Variants in NTN4 observed in about 807,000 individuals in gnomAD.
NTN4 encodes the protein netrin 4, also known as netrin-4.
In NTN4, 32 loss-of-function variants were observed where a neutral mutation model predicts 73.6. The ratio of observed to expected loss-of-function variants is 0.44; its 90% CI spans 0.33 to 0.58. The LOEUF (loss-of-function observed/expected upper bound fraction) is 0.58, where lower values mean the gene tolerates loss of function less well. Among genes scored for constraint, NTN4 ranks in the 20% least tolerant of loss-of-function variants. The probability of loss-of-function intolerance (pLI) is 0.04; values close to 1 mark genes in which losing one functional copy is unlikely to be tolerated. For missense variants in NTN4, 654 were observed against 798.3 expected, an observed-to-expected ratio of 0.82 and a Z score of 2.18; for synonymous variants, 258 against 287.5, an observed-to-expected ratio of 0.90 and a Z score of 1.04.
intron 3 of NTN4, among the ~76,000 whole-genome samples, chr12:95,726,245 A>T (rs2078693175): frequency 6.6e-6 from 1 of 152,158 alleles, no homozygotes; most frequent in Non-Finnish European, 1.5e-5. Context: ...TCCAAAAAGA[A>T]ATCTCATGCT....
At chr12:95,698,116 T>A (rs2078455814) in intron 5 of NTN4, among the ~76,000 whole-genome samples, 1 of 152,202 alleles carries the variant, frequency 6.6e-6, no homozygotes, top group South Asian at 2.1e-4. Flanking sequence ...GACTTGAGCA[T>A]CCATGAATTT....
intron 2 of NTN4, among the ~76,000 whole-genome samples, chr12:95,740,223 C>G (rs11108227): frequency 0.044 from 6,703 of 152,282 alleles, 296 homozygotes; most frequent in African/African-American, 0.12. Flanking sequence ...AACAAAGAGT[C>G]CGCCAGTACA....
chr12:95,783,690 T>C (rs4762622), intron 2 of NTN4, among the ~76,000 whole-genome samples: 95,861 of 152,126 alleles, frequency 0.63, 30,660 homozygotes, highest in South Asian at 0.78. Flanking sequence ...TAATGGTATG[T>C]TGTTGGGCAA....
Position 95,659,145 on chromosome 12 carries a change from G to T in NTN4, c.1828C>A (p.His610Asn). 1 of 1,613,476 alleles carries T rather than the reference G, an allele frequency of 6.2e-7. No homozygotes were observed. The highest frequency in any genetic ancestry group is 8.5e-7 in the Non-Finnish European group (1 of 1,179,594). Reference sequence around the variant, plus strand: ...TTTCTTCCAAGAGAAGGTTTCCAGTGCTGGACAAAGCTTTTCATATTCACA... The same window carrying T: ...TTTCTTCCAAGAGAAGGTTTCCAGTTCTGGACAAAGCTTTTCATATTCACA... ...LIVNMKSFVQ[H>N]WKPSLGRKVM... The change falls in exon 10 of 10, where the codon CAC (histidine) becomes AAC (asparagine). Residue 610 changes from histidine to asparagine, a missense_variant. By Grantham distance (68) the His-to-Asn change is moderately conservative. Coordinates refer to ENST00000343702, the MANE Select transcript of NTN4 (RefSeq NM_021229.4).
intron 3 of NTN4, among the ~76,000 whole-genome samples, chr12:95,733,963 G>T (rs1413199787): frequency 6.6e-6 from 1 of 151,604 alleles, no homozygotes; most frequent in Admixed American, 6.6e-5. Context: ...CTAGCTCCTT[G>T]GGAGGCTGAG....
chr12:95,702,253 C>A (rs1373210718), intron 5 of NTN4, among the ~76,000 whole-genome samples: 1 of 146,378 alleles, frequency 6.8e-6, no homozygotes, highest in South Asian at 2.1e-4. Flanking sequence ...GCACTCCAGC[C>A]TGGGCAACAG....
intron 3 of NTN4, among the ~76,000 whole-genome samples, chr12:95,716,862 TGTA>T (rs2078609476): frequency 6.6e-6 from 1 of 152,152 alleles, no homozygotes; most frequent in African/African-American, 2.4e-5. Flanking sequence ...CAGGCTGAAG[TGTA>T]ATGGTGTGAT....
At chr12:95,687,469 C>T (rs1013648562) in intron 5 of NTN4, among the ~76,000 whole-genome samples, 4 of 149,016 alleles carry the variant, frequency 2.7e-5, no homozygotes, top group African/African-American at 4.9e-5. Context: ...GGTGTGATCT[C>T]GGCTCACTGC....
In NTN4 at chr12:95,780,910, C is replaced by T. The variant is rs948004642; in HGVS notation, c.585+6029G>A. On this transcript the variant is annotated intron_variant, in intron 2 of 9. Coordinates refer to ENST00000343702, the MANE Select transcript of NTN4 (RefSeq NM_021229.4). The stretch of plus-strand genomic sequence containing the variant: ...ACTTGGAACCAACCCAAATGTCCAT[C>T]AATGATAGACTGGATTAAGAAAATG... Among the ~76,000 whole-genome samples the T allele has an allele frequency of 2.6e-5, 4 of 152,146 alleles. No homozygotes were observed. In the South Asian group the frequency reaches 8.3e-4, roughly 32 times the overall value.
rs1468359141 is a variant in NTN4 at position 95,737,903 on chromosome 12, C to T, written c.827G>A (p.Gly276Asp). Residue 276 changes from glycine (G) to aspartate (D), a missense_variant, in exon 3 of 10, where the codon GGC becomes GAC. Physicochemically the swap from Gly to Asp is moderately conservative, Grantham distance 94 (BLOSUM62 -1). Transcript: ENST00000343702. The part of the protein sequence containing the change: ...GHADQCIPVH[G>D]FRPVKAPGTF... The stretch of plus-strand genomic sequence containing the variant: ...TCCTGGGGCCTTGACAGGTCTGAAG[C>T]CATGAACAGGTATGCATTGATCAGC... The T allele has an allele frequency of 1.9e-6, 3 of 1,614,002 alleles. No individual in the cohort carries two copies. Among genetic ancestry groups the T allele is most frequent in the Non-Finnish European group, 2.5e-6 (3 of 1,179,936 alleles).
At chr12:95,726,386 G>A (rs1276638075) in intron 3 of NTN4, among the ~76,000 whole-genome samples, 1 of 152,108 alleles carries the variant, frequency 6.6e-6, no homozygotes, top group Non-Finnish European at 1.5e-5. Flanking sequence ...GGCCTTTTGT[G>A]TCTAGGTTTC....
chr12:95,769,028 G>A (rs1418832488), intron 2 of NTN4, among the ~76,000 whole-genome samples: 1 of 152,308 alleles, frequency 6.6e-6, no homozygotes, highest in South Asian at 2.1e-4. Context: ...TCAGCAGGGG[G>A]TTTGCAGAGA....
chr12:95,790,359 C>G lies in NTN4; in HGVS notation c.-50G>C, dbSNP rs1464409152. Reference sequence around the variant, plus strand: ...GGGCCGGGCGGGTGCCGGAGGGAGCCGAGACCTCTGGGCTGCGGGATGAAG... The same window carrying G: ...GGGCCGGGCGGGTGCCGGAGGGAGCGGAGACCTCTGGGCTGCGGGATGAAG... On this transcript the variant is annotated 5_prime_UTR_variant, in exon 1 of 10. Transcript: ENST00000343702. The surrounding 1 kb of genome is among the most constrained non-coding windows in gnomAD (Gnocchi z 6.5). The G allele has an allele frequency of 4.7e-6, 7 of 1,474,536 alleles. No individual in the cohort carries two copies. The South Asian group carries it at 9.0e-5, about 19-fold the overall frequency. 91.3% of individuals were successfully genotyped at this position (1,474,536 alleles called of 1,614,324 possible).
intron 2 of NTN4, among the ~76,000 whole-genome samples, chr12:95,771,084 G>A (rs2079055652): frequency 1.3e-5 from 2 of 149,598 alleles, no homozygotes; most frequent in Non-Finnish European, 3.0e-5. Context: ...CCGCCTCCCG[G>A]GTTCACGCCA....
upstream of NTN4, among the ~76,000 whole-genome samples, chr12:95,790,944 C>G (rs1354999838): frequency 6.8e-6 from 1 of 147,798 alleles, no homozygotes; most frequent in African/African-American, 2.4e-5. This position sits in a 1 kb window ranked among gnomAD's most constrained non-coding sequence, Gnocchi z 6.5. Context: ...GGGGGTCCCC[C>G]GCGCCCCGAC....
intron 2 of NTN4, among the ~76,000 whole-genome samples, chr12:95,782,253 T>G (rs1565919061): frequency 6.6e-6 from 1 of 152,038 alleles, no homozygotes; most frequent in Non-Finnish European, 1.5e-5. Flanking sequence ...TACAGGTAAA[T>G]AAAACTGACA....
At chr12:95,668,581 G>A (rs1382240073) in intron 8 of NTN4, among the ~76,000 whole-genome samples, 3 of 152,186 alleles carry the variant, frequency 2.0e-5, no homozygotes, top group East Asian at 1.9e-4. Flanking sequence ...TTAAAATCTT[G>A]TATGAGATTA....
At chr12:95,671,629 C>G (rs1253730087) in intron 7 of NTN4, among the ~76,000 whole-genome samples, 2 of 152,120 alleles carry the variant, frequency 1.3e-5, no homozygotes, top group African/African-American at 4.8e-5. Flanking sequence ...ATCCCCTGCC[C>G]CTGCCATCCA....
chr12:95,790,431 C>CT lies in NTN4; in HGVS notation c.-123dup, dbSNP rs990757307. 1.2e-6 allele frequency: 1 copy of CT among 827,956 alleles called. No individual in the cohort carries two copies. Among genetic ancestry groups the CT allele is most frequent in the African/African-American group, 1.8e-5 (1 of 55,708 alleles). 51.3% of individuals were successfully genotyped at this position (827,956 alleles called of 1,614,324 possible). On this transcript the variant is annotated 5_prime_UTR_variant, in exon 1 of 10. Coordinates refer to ENST00000343702, the MANE Select transcript of NTN4 (RefSeq NM_021229.4). This position sits in a 1 kb window ranked among gnomAD's most constrained non-coding sequence, Gnocchi z 6.5. ...ACGGGGCCCTGGTTTCTTCCTCCTCCTGGGGCGCCGGGCTCGGTCAGCGGT... is the reference window on the plus strand; with the variant it reads ...ACGGGGCCCTGGTTTCTTCCTCCTCCTTGGGGCGCCGGGCTCGGTCAGCGGT...
Sources: allele counts gnomAD v4.1 joint callset (sites outside exome capture counted in the v4.1 genomes callset), GRCh38; gene constraint gnomAD v4.1.1; non-coding constraint Gnocchi (gnomAD v3.1); transcripts MANE v1.5; gene names NCBI Gene and HGNC (gene_info 2026-07-23, HGNC 2026-07-21).